Variants in NAALADL2 observed in about 807,000 individuals in gnomAD.
NAALADL2 encodes N-acetylated alpha-linked acidic dipeptidase like 2.
A neutral mutation model predicts 87.2 loss-of-function variants in NAALADL2; 76 were observed. That is an observed-to-expected ratio of 0.87 (90% CI 0.72 to 1.05). The LOEUF (loss-of-function observed/expected upper bound fraction) is 1.05, where lower values mean the gene tolerates loss of function less well. Among genes scored for constraint, NAALADL2 ranks in the 50% least tolerant of loss-of-function variants. The pLI is 0.00. For synonymous variants in NAALADL2, 354 were observed against 331.0 expected (o/e 1.07, Z -0.75); for missense variants, 1,089 against 945.8 (o/e 1.15, Z -1.99).
intron 11 of NAALADL2, among the ~76,000 whole-genome samples, chr3:175,667,183 G>A (rs868313762): frequency 0.01 from 389 of 38,132 alleles, no homozygotes; most frequent in African/African-American, 0.045. Context: ...GAAAGAAAGA[G>A]AAAGAAAGAA....
chr3:175,023,062 A>G (rs1751763481), intron 1 of NAALADL2, among the ~76,000 whole-genome samples: 1 of 152,090 alleles, frequency 6.6e-6, no homozygotes, highest in Non-Finnish European at 1.5e-5. Flanking sequence ...TACTGAAGTC[A>G]TTATTTGCAT....
At chr3:175,028,456 C>T (rs1011921586) in intron 1 of NAALADL2, among the ~76,000 whole-genome samples, 1 of 151,924 alleles carries the variant, frequency 6.6e-6, no homozygotes, top group Admixed American at 6.6e-5. Flanking sequence ...GATTTAGAAG[C>T]TATTTTTACA....
chr3:174,451,682 T>A (rs1715489803), intron 1 of NAALADL2, among the ~76,000 whole-genome samples: 1 of 152,190 alleles, frequency 6.6e-6, no homozygotes, highest in Admixed American at 6.5e-5. Context: ...GTGCCTTCTT[T>A]TCGGTTTACA....
In NAALADL2 at chr3:174,549,995, A is replaced by G. The variant is rs970305067; in HGVS notation, c.-183-574A>G. On this transcript the variant is annotated intron_variant, in intron 1 of 3. Coordinates refer to the NAALADL2 transcript ENST00000434257. ...TTGATAGAAATTGAACTCTGTCAAC[A>G]GTGTTATTTATACTAAGATCAGGAC... 6.6e-5 allele frequency among the ~76,000 whole-genome samples: 10 copies of G among 152,228 alleles called. No homozygotes were observed. The South Asian group carries it at 1.2e-3, about 19-fold the overall frequency.
At position 174,529,522 on chromosome 3, in the gene NAALADL2, G is replaced by A. The variant is rs539409540; in HGVS notation, c.-183-21047G>A. Among the ~76,000 whole-genome samples, 4 of 152,334 alleles carry A rather than the reference G, an allele frequency of 2.6e-5. No individual in the cohort carries two copies. In the South Asian group the frequency reaches 8.3e-4, roughly 32 times the overall value. On this transcript the variant is annotated intron_variant, in intron 1 of 3. Transcript: ENST00000434257. ...TGGTGCCCCTGTGGGGACTCTGTGT[G>A]GGGGTTCTGACCGCACGTTTCCCTT...
chr3:174,559,494 A>G (rs969230718), intron 2 of NAALADL2, among the ~76,000 whole-genome samples: 3 of 152,124 alleles, frequency 2.0e-5, no homozygotes, highest in African/African-American at 7.3e-5. Context: ...ATGGCAGATT[A>G]TCGTGCAAGA....
chr3:174,635,888 A>G (rs1323536988), intron 2 of NAALADL2, among the ~76,000 whole-genome samples: 1 of 152,140 alleles, frequency 6.6e-6, no homozygotes, highest in Admixed American at 6.5e-5. Context: ...ACATTTTTAT[A>G]TGTGATGTGA....
chr3:174,907,520 G>T (rs1733120576), intron 1 of NAALADL2, among the ~76,000 whole-genome samples: 1 of 152,004 alleles, frequency 6.6e-6, no homozygotes, highest in Non-Finnish European at 1.5e-5. Flanking sequence ...AATTTCTCAT[G>T]GCTCTGTATA....
intron 2 of NAALADL2, among the ~76,000 whole-genome samples, chr3:175,179,220 G>T (rs192784344): frequency 1.3e-5 from 2 of 152,088 alleles, no homozygotes; most frequent in African/African-American, 4.8e-5. Context: ...ATGAGTTACT[G>T]CTATAGAGTG....
At position 175,343,655 on chromosome 3, in the gene NAALADL2, G is replaced by GTTTTTTTTTT. The variant is rs113806607; in HGVS notation, c.1090+19342_1090+19351dup. ...TGGAGTTCCTGTGTGTCTTGATCAT[G>GTTTTTTTTTT]TTTTTTTTTTTTTTTTTTTTTCCCT... On this transcript the variant is annotated intron_variant, in intron 5 of 13. Coordinates refer to ENST00000454872, the MANE Select transcript of NAALADL2 (RefSeq NM_207015.3). 2.8e-3 allele frequency among the ~76,000 whole-genome samples: 184 copies of GTTTTTTTTTT among 64,698 alleles called. 22 individuals are homozygous for GTTTTTTTTTT. The highest frequency in any genetic ancestry group is 4.4e-3 in the Non-Finnish European group (133 of 30,094). 42.4% of individuals were successfully genotyped at this position (64,698 alleles called of 152,430 possible). A position where few individuals can be genotyped will look rare whatever the true frequency, so the allele number is the denominator to read the frequency against.
intron 11 of NAALADL2, among the ~76,000 whole-genome samples, chr3:175,639,314 T>A (rs1055592530): frequency 5.3e-4 from 77 of 144,270 alleles, no homozygotes; most frequent in Admixed American, 2.2e-3. Context: ...TCAAAAGCGT[T>A]ATTCTTTTTT....
intron 2 of NAALADL2, among the ~76,000 whole-genome samples, chr3:174,703,859 A>G (rs1729809329): frequency 6.6e-6 from 1 of 152,220 alleles, no homozygotes; most frequent in African/African-American, 2.4e-5. Context: ...GATAGATAAA[A>G]CAACATTCTG....
intron 2 of NAALADL2, among the ~76,000 whole-genome samples, chr3:175,153,289 G>C (rs1355885076): frequency 6.6e-6 from 1 of 152,098 alleles, no homozygotes; most frequent in Non-Finnish European, 1.5e-5. Context: ...TTGCTTTTCT[G>C]TACTATGTCA....
At chr3:174,964,047 C>T (rs1742524997) in intron 1 of NAALADL2, among the ~76,000 whole-genome samples, 2 of 149,140 alleles carry the variant, frequency 1.3e-5, no homozygotes, top group African/African-American at 5.0e-5. Flanking sequence ...AAAAAAACTA[C>T]CTGTATGAGA....
chr3:175,410,063 A>G (rs982811766), intron 5 of NAALADL2, among the ~76,000 whole-genome samples: 11 of 152,282 alleles, frequency 7.2e-5, no homozygotes, highest in African/African-American at 2.2e-4. Flanking sequence ...AGGAAAGAAT[A>G]GCCTAAATTA....
At chr3:174,512,037 G>T (rs1339307827) in intron 1 of NAALADL2, among the ~76,000 whole-genome samples, 1 of 151,920 alleles carries the variant, frequency 6.6e-6, no homozygotes, top group African/African-American at 2.4e-5. Flanking sequence ...TTTAAACTGA[G>T]AATCCTTATA....
chr3:174,947,745 TACTG>T (rs1739670632), intron 1 of NAALADL2, among the ~76,000 whole-genome samples: 1 of 151,952 alleles, frequency 6.6e-6, no homozygotes. Flanking sequence ...CACACACACA[TACTG>T]ACACATATAC....
At chr3:174,780,192 T>A (rs1290759074) in intron 3 of NAALADL2, among the ~76,000 whole-genome samples, 2 of 152,198 alleles carry the variant, frequency 1.3e-5, no homozygotes, top group Non-Finnish European at 2.9e-5. Context: ...TTCAAATCCC[T>A]TGTAAGTTGT....
intron 1 of NAALADL2, among the ~76,000 whole-genome samples, chr3:174,963,637 T>C (rs1054516832): frequency 1.3e-5 from 2 of 152,190 alleles, no homozygotes; most frequent in South Asian, 2.1e-4. Context: ...GTGTCCGCCA[T>C]GGTTTTCTTC....
Sources: gnomAD v4.1 joint callset for allele counts (sites outside exome capture counted in the v4.1 genomes callset) on GRCh38, gnomAD v4.1.1 for gene constraint, MANE v1.5 for transcripts, NCBI Gene and HGNC (gene_info 2026-07-23, HGNC 2026-07-21) for gene names.